PARD3: variants seen among roughly 807,000 people sequenced by gnomAD.
The protein encoded by PARD3 is partitioning defective 3 homolog.
PARD3 carries 75 observed loss-of-function variants against 155.4 expected under a neutral mutation model. The ratio of observed to expected loss-of-function variants is 0.48; its 90% confidence interval spans 0.40 to 0.58. The LOEUF is 0.58. Ranked by LOEUF, PARD3 falls within the 20% of genes least tolerant of loss-of-function variation. The pLI, the probability that PARD3 is intolerant of heterozygous loss-of-function variation, is 0.00. For missense variants in PARD3, 1,642 were observed against 1,721.7 expected (o/e 0.95, Z 0.82); for synonymous variants, 576 against 610.5 (o/e 0.94, Z 0.83).
intron 12 of PARD3, among the ~76,000 whole-genome samples, chr10:34,366,026 A>C (rs2134560455): frequency 6.6e-6 from 1 of 152,326 alleles, no homozygotes; most frequent in South Asian, 2.1e-4. Context: ...ACATGACTGA[A>C]TTTTCTACAG....
rs200755690 is a variant in PARD3, at chr10:34,688,913, T to C, written c.222+7405A>G. Reference sequence around the variant, plus strand: ...ACGACCAAGTATAAAATTTGCATCTTCAAGAGCATCTTCCCTGCTACAGAG... The same window carrying C: ...ACGACCAAGTATAAAATTTGCATCTCCAAGAGCATCTTCCCTGCTACAGAG... On this transcript the variant is annotated intron_variant, in intron 2 of 24. Transcript: ENST00000374788. Among the ~76,000 whole-genome samples, 4 of 152,356 alleles carry C rather than the reference T, an allele frequency of 2.6e-5. No individual in the cohort carries two copies. The East Asian group carries it at 7.7e-4, about 29-fold the overall frequency.
At chr10:34,191,390 A>G (rs1588694216) in intron 22 of PARD3, among the ~76,000 whole-genome samples, 1 of 152,116 alleles carries the variant, frequency 6.6e-6, no homozygotes, top group Non-Finnish European at 1.5e-5. Flanking sequence ...CACTAACCCA[A>G]CCAGTCACTG....
chr10:34,323,009 T>G (rs1293244105), intron 19 of PARD3, among the ~76,000 whole-genome samples: 1 of 152,204 alleles, frequency 6.6e-6, no homozygotes. Context: ...AATAGAAAAT[T>G]TCACTGGATT....
At chr10:34,450,217 A>G in intron 5 of PARD3, 100 bp downstream of exon 5, 1 of 1,108,910 alleles carries the variant, frequency 9.0e-7, no homozygotes, top group African/African-American at 1.6e-5. Context: ...AGAATAATTA[A>G]CTTTTAATCA....
chr10:34,641,734 C>T (rs2092685141), intron 2 of PARD3, among the ~76,000 whole-genome samples: 2 of 152,202 alleles, frequency 1.3e-5, no homozygotes, highest in African/African-American at 4.8e-5. Context: ...GAGCCTGCCC[C>T]CATTCGTGAA....
intron 22 of PARD3, among the ~76,000 whole-genome samples, chr10:34,146,928 G>A (rs1948538051): frequency 6.6e-6 from 1 of 152,126 alleles, no homozygotes; most frequent in South Asian, 2.1e-4. Context: ...AACTGAACCT[G>A]ATTAAAGTTT....
At chr10:34,378,258 T>C (rs1451949760) in intron 9 of PARD3, 152 bp from the exon 10 acceptor site, 4 of 587,230 alleles carry the variant, frequency 6.8e-6, no homozygotes, top group Non-Finnish European at 1.1e-5. Flanking sequence ...GTAATAAATT[T>C]TTCAAAATAG....
At chr10:34,208,559 T>G (rs1234534699) in intron 22 of PARD3, among the ~76,000 whole-genome samples, 2 of 152,210 alleles carry the variant, frequency 1.3e-5, no homozygotes, top group African/African-American at 4.8e-5. Context: ...GCATCTATAG[T>G]TGATTTCTTG....
chr10:34,317,508 T>C (rs1326098855), intron 19 of PARD3, among the ~76,000 whole-genome samples, 170 bp from the exon 20 acceptor site: 2 of 152,148 alleles, frequency 1.3e-5, no homozygotes, highest in Non-Finnish European at 2.9e-5. Flanking sequence ...AAATGGAACA[T>C]GTGATGTGGA....
chr10:34,285,358 T>C (rs1384479678), intron 20 of PARD3, among the ~76,000 whole-genome samples: 1 of 152,072 alleles, frequency 6.6e-6, no homozygotes, highest in Non-Finnish European at 1.5e-5. Context: ...GAAGGACTGC[T>C]TGAGCTCAGG....
At chr10:34,754,023 T>TA (rs894179522) in intron 1 of PARD3, among the ~76,000 whole-genome samples, 8 of 152,002 alleles carry the variant, frequency 5.3e-5, no homozygotes, top group African/African-American at 1.7e-4. Context: ...TTTATTTATT[T>TA]TTTTTTTTTT....
chr10:34,680,711 A>C (rs2093797028), intron 2 of PARD3, among the ~76,000 whole-genome samples: 1 of 151,910 alleles, frequency 6.6e-6, no homozygotes, highest in African/African-American at 2.4e-5. Context: ...GGAAATCATC[A>C]TTCTCAGTAA....
chr10:34,420,955 T>A (rs768410671), intron 5 of PARD3, among the ~76,000 whole-genome samples: 1 of 152,124 alleles, frequency 6.6e-6, no homozygotes, highest in Non-Finnish European at 1.5e-5. Flanking sequence ...GTCGGGGGGA[T>A]TGCTTGAGCC....
intron 3 of PARD3, among the ~76,000 whole-genome samples, chr10:34,477,899 T>A (rs2078817570): frequency 6.6e-6 from 1 of 152,196 alleles, no homozygotes; most frequent in Non-Finnish European, 1.5e-5. Context: ...CAATCATACA[T>A]TTCCTAAAGA....
At chr10:34,144,237 A>ACATG (rs1424900245) in intron 22 of PARD3, among the ~76,000 whole-genome samples, 1 of 152,130 alleles carries the variant, frequency 6.6e-6, no homozygotes, top group Non-Finnish European at 1.5e-5. Flanking sequence ...CATAGTTTAT[A>ACATG]TTTTAAAATG....
rs760935214 is a variant in PARD3, at chr10:34,814,863, C to A, written c.120+13G>T. 2 of 1,507,934 alleles carry A rather than the reference C, an allele frequency of 1.3e-6. No individual in the cohort carries two copies. Among genetic ancestry groups the A allele is most frequent in the Non-Finnish European group, 1.8e-6 (2 of 1,125,060 alleles). 93.4% of individuals were successfully genotyped at this position (1,507,934 alleles called of 1,614,324 possible). ...CCGCCGCCCCCTCCCCGCCCGCGCC[C>A]CCGGCCCCTCACCTTGGCGATGGCC... On this transcript the variant is annotated intron_variant, in intron 1 of 24. Transcript: ENST00000374788.
intron 3 of PARD3, among the ~76,000 whole-genome samples, chr10:34,488,289 G>A (rs146453567): frequency 1.6e-3 from 245 of 151,928 alleles, no homozygotes; most frequent in Middle Eastern, 6.8e-3. Flanking sequence ...TCTTGCACAT[G>A]AATTTTTTAT....
chr10:34,699,301 C>A lies in PARD3; in HGVS notation c.121-2882G>T, dbSNP rs534264636. ...GAACTGAGCAGGAGATCAACAGTAA[C>A]CCCAACAGAGCATGCTGCATTAAAA... is the stretch of plus-strand genomic sequence containing the variant. On this transcript the variant is annotated intron_variant, in intron 1 of 24. Transcript: ENST00000374788. 5.1e-4 allele frequency among the ~76,000 whole-genome samples: 77 copies of A among 151,508 alleles called. 1 individual carries two copies. The highest frequency in any genetic ancestry group is 8.1e-4 in the Non-Finnish European group (55 of 67,916).
intron 20 of PARD3, among the ~76,000 whole-genome samples, chr10:34,302,612 G>A (rs1053295910): frequency 1.3e-5 from 2 of 152,160 alleles, no homozygotes; most frequent in African/African-American, 4.8e-5. Flanking sequence ...GGTATCACTT[G>A]TTCTGTGAAA....
Sources: gnomAD v4.1 joint callset for allele counts (sites outside exome capture counted in the v4.1 genomes callset) on GRCh38, gnomAD v4.1.1 for gene constraint, MANE v1.5 for transcripts, NCBI Gene and HGNC (gene_info 2026-07-23, HGNC 2026-07-21) for gene names.